Variants in SYN1 observed in about 807,000 individuals in gnomAD.
The protein encoded by SYN1 is synapsin-1.
A neutral mutation model predicts 44.6 loss-of-function variants in SYN1; 8 were observed. That is an observed-to-expected ratio of 0.18 (90% CI 0.11 to 0.32). The LOEUF is 0.32. Among genes scored for constraint, SYN1 ranks in the 10% least tolerant of loss-of-function variants. The probability of loss-of-function intolerance (pLI) is 1.00; values close to 1 mark genes in which losing one functional copy is unlikely to be tolerated. For missense variants in SYN1, 451 were observed against 639.4 expected, an observed-to-expected ratio of 0.71 and a Z score of 3.18; for synonymous variants, 275 against 280.1, an observed-to-expected ratio of 0.98 and a Z score of 0.18.
Position 47,574,285 on chromosome X carries a change from T to C in SYN1, c.1699A>G (p.Thr567Ala), listed in dbSNP as rs200533370. Residue 567 changes from threonine (T) to alanine (A), a missense_variant, in exon 12 of 13, where the codon ACA becomes GCA. Physicochemically the swap from Thr to Ala is moderately conservative, Grantham distance 58. This residue lies in a region of SYN1 where 127 missense variants were observed against 154.8 expected (regional missense o/e 0.82). Coordinates refer to ENST00000295987, the MANE Select transcript of SYN1 (RefSeq NM_006950.3). ...QAGPPQATRQTSVSGPAPPKA... is the reference protein window; with the variant it reads ...QAGPPQATRQASVSGPAPPKA... Reference sequence around the variant, plus strand: ...GGCGGAGCCGGGCCAGAGACGGATGTCTGACGGGTAGCCTGTGGGGGGCCC... The same window carrying C: ...GGCGGAGCCGGGCCAGAGACGGATGCCTGACGGGTAGCCTGTGGGGGGCCC... 2,718 of 1,101,774 alleles carry C rather than the reference T, an allele frequency of 2.5e-3. 48 individuals carry two copies. In the African/African-American group the frequency reaches 0.047, roughly 19 times the overall value. 90.8% of individuals were successfully genotyped at this position (1,101,774 alleles called of 1,213,427 possible). A position where few individuals can be genotyped will look rare whatever the true frequency, so the allele number is the denominator to read the frequency against.
intron 1 of SYN1, among the ~76,000 whole-genome samples, chrX:47,617,991 G>A (rs1257473381): frequency 1.8e-5 from 2 of 112,098 alleles, no homozygotes; most frequent in Non-Finnish European, 3.8e-5. Flanking sequence ...AGTGCAGAAA[G>A]TTGATCTATG....
At chrX:47,604,286 T>C in intron 5 of SYN1, among the ~76,000 whole-genome samples, 1 of 105,455 alleles carries the variant, frequency 9.5e-6, no homozygotes, top group Non-Finnish European at 2.0e-5. Context: ...GAGGTGGGAC[T>C]CTGTTGCCCA....
At chrX:47,591,605 C>T (rs1271199638) in intron 5 of SYN1, among the ~76,000 whole-genome samples, 1 of 109,529 alleles carries the variant, frequency 9.1e-6, no homozygotes, top group African/African-American at 3.3e-5. Flanking sequence ...CCTGTAATCC[C>T]AGCTACTTGG....
At chrX:47,603,239 C>T (rs2057885364) in intron 5 of SYN1, among the ~76,000 whole-genome samples, 1 of 110,757 alleles carries the variant, frequency 9.0e-6, no homozygotes, top group East Asian at 2.8e-4. Flanking sequence ...CTCTGTTGCC[C>T]AGGTTGGGAT....
rs2057899956 is a variant in SYN1, at chrX:47,607,031, T to A, written c.441A>T (p.Glu147Asp). 3 of 1,211,076 alleles carry A rather than the reference T, an allele frequency of 2.5e-6. No homozygotes were observed. The highest frequency in any genetic ancestry group is 3.4e-6 in the Non-Finnish European group (3 of 895,205). Reference sequence around the variant, plus strand: ...GGGCCACAAGGTTGAGATCAGAGAATTCGGCCTGGGAAGGAGAAAAAAACT... The same window carrying A: ...GGGCCACAAGGTTGAGATCAGAGAAATCGGCCTGGGAAGGAGAAAAAAACT... ...GEIDIKVEQA[E>D]FSDLNLVAHA... The change falls in exon 3 of 13, where the codon GAA (glutamate) becomes GAT (aspartate). Residue 147 changes from glutamate (E) to aspartate (D), a missense_variant. Transcript: ENST00000295987.
At chrX:47,582,525 TG>T in intron 5 of SYN1, 1 of 342,368 alleles carries the variant, frequency 2.9e-6, no homozygotes, top group Non-Finnish European at 5.9e-6. Flanking sequence ...GGCTGCAGCT[TG>T]GGTGCTGGCC....
chrX:47,617,138 G>C (rs1322258149), intron 1 of SYN1, among the ~76,000 whole-genome samples: 1 of 111,435 alleles, frequency 9.0e-6, no homozygotes, highest in Non-Finnish European at 1.9e-5. Context: ...TCATGGAAAG[G>C]ATGCAATAAA....
At chrX:47,591,123 G>T (rs2057846463) in intron 5 of SYN1, among the ~76,000 whole-genome samples, 1 of 111,867 alleles carries the variant, frequency 8.9e-6, no homozygotes, top group South Asian at 3.7e-4. Context: ...AGGCTCAAGC[G>T]ATCCTCCCAG....
intron 5 of SYN1, among the ~76,000 whole-genome samples, chrX:47,583,692 C>T (rs1323332991): frequency 8.9e-6 from 1 of 111,741 alleles, no homozygotes; most frequent in African/African-American, 3.3e-5. Flanking sequence ...CTTGAGTACT[C>T]TGTGCCCAAG....
At chrX:47,576,058 G>A in intron 9 of SYN1, 73 bp downstream of exon 9, 1 of 1,022,764 alleles carries the variant, frequency 9.8e-7, no homozygotes, top group African/African-American at 1.9e-5. Context: ...GTGCCATGGA[G>A]TGCTTCAGTT....
At chrX:47,586,516 TC>T (rs749678966) in intron 5 of SYN1, 2 of 1,210,488 alleles carry the variant, frequency 1.7e-6, no homozygotes, top group Non-Finnish European at 2.2e-6. Flanking sequence ...CCTCCTCCCT[TC>T]CAGGTGTTTC....
At chrX:47,573,103 T>A in intron 12 of SYN1, 104 bp from the exon 13 acceptor site, 1 of 1,045,411 alleles carries the variant, frequency 9.6e-7, no homozygotes, top group South Asian at 2.0e-5. Flanking sequence ...GCCCTGCCCC[T>A]CTGATCCTGG....
At chrX:47,611,691 A>C (rs1359599536) in intron 1 of SYN1, among the ~76,000 whole-genome samples, 1 of 111,671 alleles carries the variant, frequency 9.0e-6, no homozygotes, top group African/African-American at 3.3e-5. Context: ...CATGGATTAC[A>C]TCATACTGAT....
chrX:47,599,476 T>C lies in SYN1; in HGVS notation c.774+5502A>G, dbSNP rs1476235010. Among the ~76,000 whole-genome samples the C allele has an allele frequency of 2.7e-5, 3 of 112,895 alleles. No homozygotes were observed. In the East Asian group the frequency reaches 8.2e-4, roughly 31 times the overall value. ...ATCAGAACCATCTATTTTGGAAAAA[T>C]CAGATTCATCAAATGATTCTTCATC... On this transcript the variant is annotated intron_variant, in intron 5 of 12. Coordinates refer to ENST00000295987, the MANE Select transcript of SYN1 (RefSeq NM_006950.3).
intron 3 of SYN1, among the ~76,000 whole-genome samples, 198 bp downstream of exon 3, chrX:47,606,746 TA>T (rs1390284990): frequency 5.0e-5 from 5 of 100,065 alleles, no homozygotes; most frequent in African/African-American, 1.6e-4. Context: ...TATATATATA[TA>T]TATATTTTTT....
At chrX:47,593,943 C>A (rs1879435015) in intron 5 of SYN1, among the ~76,000 whole-genome samples, 1 of 112,013 alleles carries the variant, frequency 8.9e-6, no homozygotes, top group African/African-American at 3.2e-5. Flanking sequence ...AAAATTAAAT[C>A]AGCATTACCA....
chrX:47,604,011 G>A (rs747495748), intron 5 of SYN1, among the ~76,000 whole-genome samples: 1 of 106,175 alleles, frequency 9.4e-6, no homozygotes, highest in South Asian at 4.1e-4. Flanking sequence ...GGGTTCCAGC[G>A]ATTCCCCTGC....
In SYN1 at chrX:47,574,220, C is replaced by T. The variant is rs1390528791; in HGVS notation, c.1764G>A (p.Gln588=). Residue 588 remains glutamine (Q), a synonymous_variant, in exon 12 of 13, where the codon CAG becomes CAA. Transcript: ENST00000295987. ...GGCCTGGGGGTTTCTGGGGCGGGCC[C>T]TGGCGCTGCTGCCCGCCCGGTGGGG... ...SGAPPGGQQR[Q]GPPQKPPGPA... 2 of 1,085,945 alleles carry T rather than the reference C, an allele frequency of 1.8e-6. No individual in the cohort carries two copies. Among genetic ancestry groups the T allele is most frequent in the Admixed American group, 3.5e-5 (1 of 28,565 alleles). 89.5% of individuals were successfully genotyped at this position (1,085,945 alleles called of 1,213,427 possible). A position where few individuals can be genotyped will look rare whatever the true frequency, so the allele number is the denominator to read the frequency against.
intron 5 of SYN1, chrX:47,586,367 C>A: frequency 1.3e-6 from 1 of 744,543 alleles, no homozygotes; most frequent in Middle Eastern, 7.7e-4. Context: ...AGTGACATTT[C>A]CCTCAATGGG....
Sources: gnomAD v4.1 joint callset for allele counts (sites outside exome capture counted in the v4.1 genomes callset) on GRCh38, gnomAD v4.1.1 for gene constraint, gnomAD v4.1.1 regional missense constraint, MANE v1.5 for transcripts, NCBI Gene and HGNC (gene_info 2026-07-23, HGNC 2026-07-21) for gene names.